Variants in TNFSF4 observed in about 807,000 individuals in gnomAD.
The protein encoded by TNFSF4 is tumor necrosis factor ligand superfamily member 4.
TNFSF4 carries 4 observed loss-of-function variants against 7.3 expected under a neutral mutation model. That is an observed-to-expected ratio of 0.55 (90% CI 0.27 to 1.25). The LOEUF (loss-of-function observed/expected upper bound fraction) is 1.25, where lower values mean the gene tolerates loss of function less well. Ranked by LOEUF, TNFSF4 falls within the 50% of genes most tolerant of loss-of-function variation. The pLI, the probability that TNFSF4 is intolerant of heterozygous loss-of-function variation, is 0.12. For missense variants in TNFSF4, 181 were observed against 208.8 expected (o/e 0.87, Z 0.82); for synonymous variants, 76 against 83.7 (o/e 0.91, Z 0.50).
the TNFSF4 span, among the ~76,000 whole-genome samples, chr1:173,336,890 A>T: frequency 2.6e-5 from 4 of 152,058 alleles, no homozygotes; most frequent in Non-Finnish European, 5.9e-5. Flanking sequence ...ACCACCAAAA[A>T]AAAAGGCACA....
At chr1:173,296,526 C>T in the TNFSF4 span, among the ~76,000 whole-genome samples, 2 of 151,920 alleles carry the variant, frequency 1.3e-5, no homozygotes, top group Non-Finnish European at 2.9e-5. Flanking sequence ...CACAAGTGAT[C>T]ATTTACTCTA....
chr1:173,327,897 T>C, the TNFSF4 span, among the ~76,000 whole-genome samples: 3 of 151,926 alleles, frequency 2.0e-5, no homozygotes, highest in South Asian at 2.1e-4. Flanking sequence ...CACTTTCACA[T>C]TGTTGGTGGG....
chr1:173,305,877 A>G, the TNFSF4 span, among the ~76,000 whole-genome samples: 2 of 151,764 alleles, frequency 1.3e-5, no homozygotes, highest in African/African-American at 4.8e-5. Context: ...TTCCCTCCAC[A>G]TGTGCGGATT....
the TNFSF4 span, among the ~76,000 whole-genome samples, chr1:173,320,841 T>C: frequency 1.3e-5 from 2 of 152,178 alleles, no homozygotes; most frequent in Non-Finnish European, 2.9e-5. Context: ...CACAAACAAA[T>C]GGAAAAACAT....
At chr1:173,332,354 C>G in the TNFSF4 span, among the ~76,000 whole-genome samples, 1 of 152,190 alleles carries the variant, frequency 6.6e-6, no homozygotes, top group Non-Finnish European at 1.5e-5. Context: ...CTCACTTTCC[C>G]TAGCTGCCTT....
At chr1:173,211,383 A>G (rs1226932287), upstream of TNFSF4, among the ~76,000 whole-genome samples, 1 of 152,178 alleles carries the variant, frequency 6.6e-6, no homozygotes, top group Non-Finnish European at 1.5e-5. Context: ...TCAACTTTGA[A>G]TCATCCTCGT....
the TNFSF4 span, among the ~76,000 whole-genome samples, chr1:173,218,105 C>T: frequency 6.6e-6 from 1 of 152,078 alleles, no homozygotes; most frequent in South Asian, 2.1e-4. Context: ...CTAGATAGAC[C>T]CTAACACACA....
At chr1:173,311,529 G>T in the TNFSF4 span, among the ~76,000 whole-genome samples, 1 of 152,016 alleles carries the variant, frequency 6.6e-6, no homozygotes, top group Non-Finnish European at 1.5e-5. Flanking sequence ...ATTGGAGAGG[G>T]CATGACCACA....
the TNFSF4 span, among the ~76,000 whole-genome samples, chr1:173,417,361 C>T: frequency 2.0e-5 from 3 of 152,102 alleles, no homozygotes; most frequent in Non-Finnish European, 4.4e-5. Context: ...TAGCACATAG[C>T]TGGTGCAAAA....
chr1:173,259,638 G>A, the TNFSF4 span, among the ~76,000 whole-genome samples: 1 of 152,176 alleles, frequency 6.6e-6, no homozygotes, highest in African/African-American at 2.4e-5. Context: ...AACCAATTTA[G>A]AGAAAACATA....
chr1:173,278,685 A>G, the TNFSF4 span, among the ~76,000 whole-genome samples: 1 of 152,084 alleles, frequency 6.6e-6, no homozygotes, highest in African/African-American at 2.4e-5. Flanking sequence ...CACACAAACG[A>G]TGTTTCAAAA....
chr1:173,214,452 GA>G, the TNFSF4 span, among the ~76,000 whole-genome samples: 2 of 152,094 alleles, frequency 1.3e-5, no homozygotes, highest in Non-Finnish European at 2.9e-5. Flanking sequence ...AATCCAGTAA[GA>G]AAAAAATAAC....
At chr1:173,280,908 C>A in the TNFSF4 span, among the ~76,000 whole-genome samples, 1 of 152,022 alleles carries the variant, frequency 6.6e-6, no homozygotes, top group East Asian at 1.9e-4. Flanking sequence ...ATTTAAACTC[C>A]CGGGCAATAA....
chr1:173,304,646 A>G, the TNFSF4 span, among the ~76,000 whole-genome samples: 1 of 151,952 alleles, frequency 6.6e-6, no homozygotes, highest in African/African-American at 2.4e-5. Flanking sequence ...TCCACTTCCA[A>G]GATGGCTTAA....
At chr1:173,328,201 G>A in the TNFSF4 span, among the ~76,000 whole-genome samples, 1 of 152,074 alleles carries the variant, frequency 6.6e-6, no homozygotes, top group Non-Finnish European at 1.5e-5. Context: ...CATGTCCTTT[G>A]TAGGGACATG....
At chr1:173,360,896 A>C in the TNFSF4 span, among the ~76,000 whole-genome samples, 7 of 152,222 alleles carry the variant, frequency 4.6e-5, no homozygotes, top group Non-Finnish European at 1.0e-4. Context: ...GCTGATAGGC[A>C]AAGGGGGCAT....
chr1:173,228,637 A>C, the TNFSF4 span, among the ~76,000 whole-genome samples: 1 of 152,244 alleles, frequency 6.6e-6, no homozygotes, highest in Admixed American at 6.5e-5. Context: ...CTCCGAGCTA[A>C]AGGAGGAATT....
the TNFSF4 span, among the ~76,000 whole-genome samples, chr1:173,240,979 G>T: frequency 1.3e-5 from 2 of 152,090 alleles, no homozygotes; most frequent in African/African-American, 2.4e-5. Flanking sequence ...TCTGCCAATT[G>T]TCTAGCCACA....
chr1:173,329,631 C>G, the TNFSF4 span, among the ~76,000 whole-genome samples: 1 of 151,950 alleles, frequency 6.6e-6, no homozygotes, highest in Admixed American at 6.6e-5. Flanking sequence ...AAGTGGAAAA[C>G]AAATTTAACA....
Sources: allele counts gnomAD v4.1 joint callset (sites outside exome capture counted in the v4.1 genomes callset), GRCh38; gene constraint gnomAD v4.1.1; transcripts MANE v1.5; gene names NCBI Gene and HGNC (gene_info 2026-07-23, HGNC 2026-07-21).